Variants in PKIB observed in about 807,000 individuals in gnomAD.
PKIB encodes PKI-beta.
PKIB carries 2 observed loss-of-function variants against 4.5 expected under a neutral mutation model. The observed-to-expected ratio is 0.44, with a 90% confidence interval of 0.18 to 1.39. The LOEUF is 1.39. Ranked by LOEUF, PKIB falls within the 40% of genes most tolerant of loss-of-function variation. The pLI, the probability that PKIB is intolerant of heterozygous loss-of-function variation, is 0.27. For synonymous variants in PKIB, 38 were observed against 36.0 expected (o/e 1.06, Z -0.20); for missense variants, 94 against 92.6 (o/e 1.02, Z -0.06).
chr6:122,713,542 A>T (rs1034910148), intron 3 of PKIB, among the ~76,000 whole-genome samples: 1 of 152,158 alleles, frequency 6.6e-6, no homozygotes, highest in Non-Finnish European at 1.5e-5. Flanking sequence ...TAAAAAAACC[A>T]AGCATGTGCA....
intron 2 of PKIB, among the ~76,000 whole-genome samples, chr6:122,658,745 A>G (rs577356828): frequency 6.6e-6 from 1 of 151,698 alleles, no homozygotes; most frequent in African/African-American, 2.4e-5. Flanking sequence ...TGGCTGCAAC[A>G]TCCTCTTACC....
At chr6:122,629,304 G>T (rs1775591623) in intron 1 of PKIB, among the ~76,000 whole-genome samples, 1 of 152,134 alleles carries the variant, frequency 6.6e-6, no homozygotes, top group Admixed American at 6.5e-5. Flanking sequence ...GGCGCCAACT[G>T]AAAGAGCTAA....
intron 2 of PKIB, among the ~76,000 whole-genome samples, chr6:122,512,892 T>A (rs1249408052): frequency 6.6e-6 from 1 of 152,224 alleles, no homozygotes; most frequent in African/African-American, 2.4e-5. Flanking sequence ...CTACCATTTT[T>A]AATGTTTATA....
intron 2 of PKIB, among the ~76,000 whole-genome samples, chr6:122,542,634 G>C (rs181942567): frequency 6.6e-6 from 1 of 152,070 alleles, no homozygotes. Context: ...CCTACTGGGG[G>C]GTGCCTCCCA....
At chr6:122,493,793 G>A (rs890604949) in intron 2 of PKIB, among the ~76,000 whole-genome samples, 1 of 152,028 alleles carries the variant, frequency 6.6e-6, no homozygotes, top group Admixed American at 6.6e-5. Flanking sequence ...AGTCTTTGCC[G>A]ACTTAACCTT....
chr6:122,543,704 A>G (rs1375703210), intron 2 of PKIB, among the ~76,000 whole-genome samples: 2 of 151,988 alleles, frequency 1.3e-5, no homozygotes, highest in East Asian at 1.9e-4. Flanking sequence ...GAAGTAAGAG[A>G]TTGGGGTGAC....
chr6:122,592,115 AC>A (rs1195438631), intron 3 of PKIB, among the ~76,000 whole-genome samples: 1 of 151,472 alleles, frequency 6.6e-6, no homozygotes, highest in Non-Finnish European at 1.5e-5. Flanking sequence ...TGGTTGGTAC[AC>A]CTATTTGATT....
intron 2 of PKIB, among the ~76,000 whole-genome samples, chr6:122,666,632 G>T (rs1450236272): frequency 2.0e-5 from 3 of 152,136 alleles, no homozygotes; most frequent in Non-Finnish European, 4.4e-5. Flanking sequence ...ACTCCTTTGA[G>T]CAGGTTACTG....
intron 2 of PKIB, among the ~76,000 whole-genome samples, chr6:122,571,056 ACAAT>A (rs965430599): frequency 1.1e-4 from 16 of 152,100 alleles, no homozygotes; most frequent in Admixed American, 1.3e-4. Flanking sequence ...ATAAAAAAAA[ACAAT>A]CAGAACTTCT....
chr6:122,718,854 A>C (rs548176446), intron 4 of PKIB, among the ~76,000 whole-genome samples: 1 of 152,292 alleles, frequency 6.6e-6, no homozygotes, highest in East Asian at 1.9e-4. Flanking sequence ...ATATCCTTGT[A>C]GGCCAGGAGC....
At chr6:122,506,530 T>G (rs1363603374) in intron 2 of PKIB, among the ~76,000 whole-genome samples, 1 of 152,084 alleles carries the variant, frequency 6.6e-6, no homozygotes, top group Non-Finnish European at 1.5e-5. Flanking sequence ...GCATGTTGTT[T>G]AGTGTAAGTA....
intron 2 of PKIB, among the ~76,000 whole-genome samples, chr6:122,554,555 G>T (rs1366282915): frequency 6.6e-6 from 1 of 152,176 alleles, no homozygotes; most frequent in African/African-American, 2.4e-5. Context: ...AGATGGCCAG[G>T]AATTATTATC....
chr6:122,662,430 C>G (rs915794200), intron 2 of PKIB, among the ~76,000 whole-genome samples: 6 of 145,856 alleles, frequency 4.1e-5, no homozygotes, highest in Admixed American at 3.6e-4. Context: ...ATTCTTCTGT[C>G]TCAGCCTCCC....
chr6:122,680,224 A>G (rs1777844527), intron 3 of PKIB, among the ~76,000 whole-genome samples: 1 of 152,240 alleles, frequency 6.6e-6, no homozygotes, highest in Admixed American at 6.5e-5. Context: ...TACAGGGGCA[A>G]TTTTCCATTT....
chr6:122,589,030 C>G (rs1180104601), intron 3 of PKIB, among the ~76,000 whole-genome samples: 2 of 152,080 alleles, frequency 1.3e-5, no homozygotes, highest in Non-Finnish European at 2.9e-5. Context: ...TAGTGCTGAG[C>G]CTTTATGACC....
rs114799297 is a variant in PKIB, at chr6:122,525,855, T to C, written c.-248+47916T>C. On this transcript the variant is annotated intron_variant, in intron 2 of 6. Coordinates refer to the PKIB transcript ENST00000392491. ...AGTAAAATTTGCTATCTCAATTGACTCTTTCTTTCATAAAATATTTCCCTG... is the reference window on the plus strand; with the variant it reads ...AGTAAAATTTGCTATCTCAATTGACCCTTTCTTTCATAAAATATTTCCCTG... 2.6e-3 allele frequency among the ~76,000 whole-genome samples: 396 copies of C among 152,284 alleles called. 3 individuals are homozygous for C. Among genetic ancestry groups the C allele is most frequent in the African/African-American group, 9.0e-3 (374 of 41,556 alleles).
Position 122,602,383 on chromosome 6 carries a change from A to G in PKIB, c.-161+16376A>G, listed in dbSNP as rs139300209. Among the ~76,000 whole-genome samples the G allele has an allele frequency of 2.1e-3, 317 of 152,334 alleles. 3 individuals carry two copies. The highest frequency in any genetic ancestry group is 7.3e-3 in the African/African-American group (302 of 41,592). ...TTGTTTTCTCTAACATTTTGTCTATAGAGCTGTAGCTAATGAGAATCATAA... is the reference window on the plus strand; with the variant it reads ...TTGTTTTCTCTAACATTTTGTCTATGGAGCTGTAGCTAATGAGAATCATAA... On this transcript the variant is annotated intron_variant, in intron 3 of 6. Transcript: ENST00000392491.
At chr6:122,575,597 A>G (rs1191489467) in intron 2 of PKIB, among the ~76,000 whole-genome samples, 3 of 152,236 alleles carry the variant, frequency 2.0e-5, no homozygotes, top group Non-Finnish European at 4.4e-5. Flanking sequence ...TAAAAAAGGA[A>G]TGAAATAATG....
chr6:122,552,250 G>A (rs1236834515), intron 2 of PKIB, among the ~76,000 whole-genome samples: 1 of 152,134 alleles, frequency 6.6e-6, no homozygotes, highest in African/African-American at 2.4e-5. Flanking sequence ...TGCAGCATGA[G>A]TCTCTTTCTA....
Sources: gnomAD v4.1 joint callset for allele counts (sites outside exome capture counted in the v4.1 genomes callset) on GRCh38, gnomAD v4.1.1 for gene constraint, MANE v1.5 for transcripts, NCBI Gene and HGNC (gene_info 2026-07-23, HGNC 2026-07-21) for gene names.